The following UFD1 variants were observed in gnomAD, a reference collection of about 807,000 sequenced individuals.
UFD1 encodes the protein ubiquitin recognition factor in ER-associated degradation protein 1.
In UFD1, 13 loss-of-function variants were observed where a neutral mutation model predicts 45.9. That is an observed-to-expected ratio of 0.28 (90% CI 0.18 to 0.45). The LOEUF (loss-of-function observed/expected upper bound fraction) is 0.45. Among genes scored for constraint, UFD1 ranks in the 20% least tolerant of loss-of-function variants. The pLI is 1.00. For missense variants in UFD1, 218 were observed against 389.2 expected (o/e 0.56, Z 3.70); for synonymous variants, 128 against 139.2 (o/e 0.92, Z 0.56).
intron 1 of UFD1, among the ~76,000 whole-genome samples, chr22:19,477,639 AC>A (rs1286281977): frequency 2.0e-5 from 3 of 152,334 alleles, no homozygotes; most frequent in East Asian, 3.9e-4. Flanking sequence ...ACACTATTGA[AC>A]TATAGACTGA....
intron 4 of UFD1, among the ~76,000 whole-genome samples, chr22:19,468,553 AGT>A (rs1337580168): frequency 5.3e-5 from 8 of 152,238 alleles, no homozygotes; most frequent in Admixed American, 2.0e-4. Context: ...ACGGCTGAGA[AGT>A]GAGACGGAAA....
Position 19,456,228 on chromosome 22 carries a change from T to G in UFD1, c.678+359A>C, listed in dbSNP as rs374273952. On this transcript the variant is annotated intron_variant, in intron 9 of 11. Transcript: ENST00000263202. The stretch of plus-strand genomic sequence containing the variant: ...TATGCTAAGGGTCATGTTTGCAACC[T>G]ACATGGTACAGGCAAAGAAAAAAGG... Among the ~76,000 whole-genome samples the G allele has an allele frequency of 2.6e-4, 40 of 152,108 alleles. 1 individual carries two copies. The highest frequency in any genetic ancestry group is 8.5e-4 in the African/African-American group (35 of 41,410).
chr22:19,477,934 T>G (rs1267965795), intron 1 of UFD1, among the ~76,000 whole-genome samples: 1 of 152,230 alleles, frequency 6.6e-6, no homozygotes, highest in East Asian at 1.9e-4. Flanking sequence ...TTAAGCAGCA[T>G]AACTGTTCAG....
At chr22:19,470,166 G>A in intron 4 of UFD1, 1 of 441,168 alleles carries the variant, frequency 2.3e-6, no homozygotes, top group Non-Finnish European at 4.6e-6. Flanking sequence ...ATACTGGGGA[G>A]GGCAGGTGAG....
At chr22:19,461,342 A>T (rs537330665) in intron 6 of UFD1, among the ~76,000 whole-genome samples, 40 of 152,218 alleles carry the variant, frequency 2.6e-4, no homozygotes, top group African/African-American at 8.9e-4. Context: ...AGATTCCGCA[A>T]CCCCAGTATC....
intron 6 of UFD1, among the ~76,000 whole-genome samples, chr22:19,462,848 T>C (rs2146296306): frequency 6.6e-6 from 1 of 152,356 alleles, no homozygotes; most frequent in East Asian, 1.9e-4. Flanking sequence ...TAATGCTTAT[T>C]CCTAAAGTAC....
chr22:19,478,938 G>C, intron 1 of UFD1, 145 bp downstream of exon 1: 1 of 1,129,110 alleles, frequency 8.9e-7, no homozygotes, highest in Admixed American at 3.2e-5. Context: ...GCTTGTGCCC[G>C]GTGCGGCCGA....
At chr22:19,470,247 G>T (rs1568901098) in intron 4 of UFD1, among the ~76,000 whole-genome samples, 2 of 152,182 alleles carry the variant, frequency 1.3e-5, no homozygotes, top group Non-Finnish European at 2.9e-5. Flanking sequence ...GCTGAGGTGA[G>T]GAGGCAGCAT....
intron 1 of UFD1, 103 bp downstream of exon 1, chr22:19,478,980 A>T: frequency 6.8e-7 from 1 of 1,467,136 alleles, no homozygotes; most frequent in Non-Finnish European, 9.1e-7. Context: ...GGCCCGGGTG[A>T]CTCGGCACCT....
chr22:19,461,789 T>C (rs963599836), intron 6 of UFD1, among the ~76,000 whole-genome samples: 2 of 152,142 alleles, frequency 1.3e-5, no homozygotes, highest in Admixed American at 1.3e-4. Context: ...ATTACTTGAC[T>C]GGCTATACAA....
intron 8 of UFD1, 67 bp from the exon 9 acceptor site, chr22:19,456,701 C>G: frequency 6.2e-7 from 1 of 1,613,262 alleles, no homozygotes; most frequent in Non-Finnish European, 8.5e-7. Context: ...CTCACCCCCA[C>G]CCCCGGCTAG....
intron 8 of UFD1, 36 bp downstream of exon 8, chr22:19,456,817 A>C (rs1428040634): frequency 1.2e-6 from 2 of 1,614,198 alleles, no homozygotes; most frequent in Non-Finnish European, 1.7e-6. Flanking sequence ...AGCAGCATGC[A>C]GCAGGACAGC....
At chr22:19,468,094 T>G in intron 4 of UFD1, 91 bp from the exon 5 acceptor site, 1 of 1,521,782 alleles carries the variant, frequency 6.6e-7, no homozygotes, top group East Asian at 2.3e-5. Context: ...CCCGTCTTAC[T>G]TGGGTCCTTG....
At chr22:19,471,885 G>A in intron 3 of UFD1, 77 bp from the exon 4 acceptor site, 5 of 1,549,662 alleles carry the variant, frequency 3.2e-6, no homozygotes, top group East Asian at 2.3e-5. Context: ...CCCATAGAAG[G>A]AGCCTCCCCA....
intron 5 of UFD1, 50 bp downstream of exon 5, chr22:19,467,823 C>A: frequency 6.2e-7 from 1 of 1,608,102 alleles, no homozygotes; most frequent in Non-Finnish European, 8.5e-7. Flanking sequence ...TAACAACCGC[C>A]AGCACACTCT....
intron 4 of UFD1, among the ~76,000 whole-genome samples, chr22:19,469,600 C>T (rs935922915): frequency 6.6e-6 from 1 of 152,196 alleles, no homozygotes; most frequent in Non-Finnish European, 1.5e-5. Flanking sequence ...GCAGACGAAG[C>T]CTTGGCTACA....
chr22:19,453,409 A>G (rs2146286014), intron 11 of UFD1: 1 of 985,440 alleles, frequency 1.0e-6, no homozygotes, highest in Non-Finnish European at 1.2e-6. Flanking sequence ...TTAAACATAT[A>G]CTTCTTAAAT....
At chr22:19,465,040 G>A (rs2089792205) in intron 6 of UFD1, 162 bp downstream of exon 6, 2 of 639,548 alleles carry the variant, frequency 3.1e-6, no homozygotes, top group South Asian at 1.9e-5. Context: ...AATGAATTAG[G>A]GCTCTAAATA....
Position 19,466,598 on chromosome 22 carries a change from G to C in UFD1, c.422+1275C>G, listed in dbSNP as rs2089803937. Reference sequence around the variant, plus strand: ...TAATCCCAGCACTTTGGGAGGCTGAGGCAGGTGGAGCACCTGAGGTCAGGA... The same window carrying C: ...TAATCCCAGCACTTTGGGAGGCTGACGCAGGTGGAGCACCTGAGGTCAGGA... On this transcript the variant is annotated intron_variant, in intron 5 of 11. Transcript: ENST00000263202. 2.6e-5 allele frequency: 4 copies of C among 152,390 alleles called. No individual in the cohort carries two copies. In the South Asian group the frequency reaches 6.2e-4, roughly 24 times the overall value. 9.4% of individuals were successfully genotyped at this position (152,390 alleles called of 1,614,324 possible). A position where few individuals can be genotyped will look rare whatever the true frequency, so the allele number is the denominator to read the frequency against.
Sources: gnomAD v4.1 joint callset for allele counts (sites outside exome capture counted in the v4.1 genomes callset) on GRCh38, gnomAD v4.1.1 for gene constraint, MANE v1.5 for transcripts, NCBI Gene and HGNC (gene_info 2026-07-23, HGNC 2026-07-21) for gene names.